The following RLN2 variants were observed in gnomAD, a reference collection of about 807,000 sequenced individuals.
RLN2 encodes relaxin 2.
Under a neutral mutation model 7.3 loss-of-function variants are expected in RLN2, and 10 were observed. The observed-to-expected ratio is 1.36, with a 90% CI of 0.84 to 2.31. The LOEUF is 2.31. Ranked by LOEUF, RLN2 falls within the 30% of genes most tolerant of loss-of-function variation. The pLI is 0.00. For synonymous variants in RLN2, 103 were observed against 82.3 expected (o/e 1.25, Z -1.36); for missense variants, 298 against 217.6 (o/e 1.37, Z -2.32).
At chr9:5,335,947 G>A in the RLN2 span, among the ~76,000 whole-genome samples, 1 of 152,000 alleles carries the variant, frequency 6.6e-6, no homozygotes, top group Non-Finnish European at 1.5e-5. Context: ...ACACATAGTG[G>A]TCATTTTCTT....
At chr9:5,301,069 T>C (rs913195371) in intron 1 of RLN2, among the ~76,000 whole-genome samples, 1 of 152,206 alleles carries the variant, frequency 6.6e-6, no homozygotes, top group Non-Finnish European at 1.5e-5. Context: ...TAGTATTTTA[T>C]ATGAAAGAGA....
At chr9:5,313,203 T>G in the RLN2 span, among the ~76,000 whole-genome samples, 2 of 152,080 alleles carry the variant, frequency 1.3e-5, no homozygotes, top group East Asian at 3.8e-4. Context: ...TATATTGCAC[T>G]CTATCTCTTC....
the RLN2 span, among the ~76,000 whole-genome samples, chr9:5,327,831 G>C: frequency 2.0e-5 from 3 of 152,008 alleles, no homozygotes; most frequent in Non-Finnish European, 4.4e-5. Flanking sequence ...CTGACTGTTA[G>C]AAGGAAAACT....
At chr9:5,332,986 T>C in the RLN2 span, among the ~76,000 whole-genome samples, 110 of 152,150 alleles carry the variant, frequency 7.2e-4, 1 homozygote, top group African/African-American at 2.0e-3. Context: ...AAGGCAATGA[T>C]AATATTCTTC....
the RLN2 span, among the ~76,000 whole-genome samples, chr9:5,332,620 C>CT: frequency 2.2e-3 from 309 of 138,306 alleles, 1 homozygote; most frequent in East Asian, 3.1e-3. Context: ...ACTGAATGTG[C>CT]TTTTTTTTTT....
chr9:5,300,266 C>G lies in RLN2; in HGVS notation c.390G>C (p.Lys130Asn), dbSNP rs1471489848. The change falls in exon 2 of 2, where the codon AAG becomes AAC. Residue 130 changes from lysine (K) to asparagine (N), a missense_variant. By Grantham distance (94) the Lys-to-Asn change is moderately conservative. Transcript: ENST00000381627. ...CACTTTGTCTATTGCGAATAAGTTT[C>G]TTAAATTCTTCAAAGAGAAGACTGG... ...KDSSLLFEEF[K>N]KLIRNRQSEA... The G allele has an allele frequency of 6.2e-7, 1 of 1,613,990 alleles. No individual in the cohort carries two copies. The highest frequency in any genetic ancestry group is 8.5e-7 in the Non-Finnish European group (1 of 1,179,930).
chr9:5,308,699 A>C (rs910469272), upstream of RLN2, among the ~76,000 whole-genome samples: 12 of 152,052 alleles, frequency 7.9e-5, no homozygotes, highest in Non-Finnish European at 1.6e-4. Flanking sequence ...TGCTGCCCTG[A>C]CATCTGGTAA....
the RLN2 span, chr9:5,311,829 T>C: frequency 4.4e-6 from 2 of 454,992 alleles, no homozygotes; most frequent in East Asian, 4.0e-5. Flanking sequence ...ATTTTTTTTC[T>C]TTTTTTTTTA....
the RLN2 span, among the ~76,000 whole-genome samples, chr9:5,312,845 AG>A: frequency 6.6e-6 from 1 of 151,792 alleles, no homozygotes; most frequent in African/African-American, 2.4e-5. Flanking sequence ...GTTTAGGAGG[AG>A]GGGGTCTAAT....
At chr9:5,304,936 G>A (rs1816215935), upstream of RLN2, 2 of 221,210 alleles carry the variant, frequency 9.0e-6, no homozygotes, top group Middle Eastern at 1.7e-3. Flanking sequence ...TAGATATGAA[G>A]CCTTTCCTTT....
the RLN2 span, among the ~76,000 whole-genome samples, chr9:5,315,556 C>G: frequency 6.6e-6 from 1 of 152,046 alleles, no homozygotes; most frequent in African/African-American, 2.4e-5. Flanking sequence ...GAAAACTTCC[C>G]AAGTTTTGAA....
the RLN2 span, among the ~76,000 whole-genome samples, chr9:5,337,392 T>C: frequency 3.3e-5 from 5 of 152,176 alleles, no homozygotes; most frequent in East Asian, 5.8e-4. Flanking sequence ...TCCATAACAC[T>C]TTTAGCTATG....
chr9:5,337,550 C>A, the RLN2 span, among the ~76,000 whole-genome samples: 1 of 151,910 alleles, frequency 6.6e-6, no homozygotes, highest in African/African-American at 2.4e-5. Context: ...TACTTTGGCA[C>A]ACATTGTAAG....
At chr9:5,324,861 C>G in the RLN2 span, among the ~76,000 whole-genome samples, 1 of 151,880 alleles carries the variant, frequency 6.6e-6, no homozygotes, top group Non-Finnish European at 1.5e-5. Flanking sequence ...GGTGAAGACA[C>G]AAATAAAAAA....
At chr9:5,328,883 G>A in the RLN2 span, among the ~76,000 whole-genome samples, 1 of 152,046 alleles carries the variant, frequency 6.6e-6, no homozygotes, top group Non-Finnish European at 1.5e-5. Context: ...AGAAAATGCT[G>A]AGAGATTTTG....
At chr9:5,302,431 T>C (rs1490391868) in intron 1 of RLN2, among the ~76,000 whole-genome samples, 4 of 152,164 alleles carry the variant, frequency 2.6e-5, no homozygotes, top group Admixed American at 6.5e-5. Flanking sequence ...TGGAAGCAAA[T>C]AGCAACTACC....
intron 1 of RLN2, among the ~76,000 whole-genome samples, chr9:5,301,872 AAC>A (rs1816148937): frequency 1.3e-5 from 2 of 152,330 alleles, no homozygotes; most frequent in Admixed American, 1.3e-4. Context: ...CCTTCCTCCC[AAC>A]ACTCTCCCTC....
upstream of RLN2, among the ~76,000 whole-genome samples, chr9:5,306,909 T>A (rs1315315772): frequency 1.3e-5 from 2 of 152,094 alleles, no homozygotes; most frequent in Admixed American, 1.3e-4. Flanking sequence ...GTGACACAGT[T>A]CTGTCTAATA....
chr9:5,313,375 A>C, the RLN2 span, among the ~76,000 whole-genome samples: 2,092 of 152,008 alleles, frequency 0.014, 64 homozygotes, highest in African/African-American at 0.048. Flanking sequence ...TCCTGATTTA[A>C]GCATAGCTAC....
Sources: gnomAD v4.1 joint callset for allele counts (sites outside exome capture counted in the v4.1 genomes callset) on GRCh38, gnomAD v4.1.1 for gene constraint, MANE v1.5 for transcripts, NCBI Gene and HGNC (gene_info 2026-07-23, HGNC 2026-07-21) for gene names.